The following BPIFA3 variants were observed in gnomAD, a reference collection of about 807,000 sequenced individuals.
BPIFA3 encodes the protein BPI fold containing family A member 3, also known as BPI fold-containing family A member 3.
In BPIFA3, 32 loss-of-function variants were observed where a neutral mutation model predicts 29.7. That is an observed-to-expected ratio of 1.08 (90% confidence interval 0.81 to 1.45). The LOEUF (loss-of-function observed/expected upper bound fraction) is 1.45. Among genes scored for constraint, BPIFA3 ranks in the 40% most tolerant of loss-of-function variants. The pLI is 0.00. For synonymous variants in BPIFA3, 112 were observed against 113.7 expected, an observed-to-expected ratio of 0.98 and a Z score of 0.10; for missense variants, 323 against 311.3, an observed-to-expected ratio of 1.04 and a Z score of -0.28.
Position 33,224,508 on chromosome 20 carries a change from C to T in BPIFA3, c.386+46C>T, listed in dbSNP as rs777522252. 2.1e-6 allele frequency: 3 copies of T among 1,463,366 alleles called. No individual in the cohort carries two copies. The South Asian group carries it at 3.5e-5, about 17-fold the overall frequency. 90.6% of individuals were successfully genotyped at this position (1,463,366 alleles called of 1,614,324 possible). On this transcript the variant is annotated intron_variant, in intron 3 of 6. Transcript: ENST00000375454. ...ATCTGAGAGGTGCTGGCCCTCCTCG[C>T]AGGGAACCTGGGAAATTCAGATCTT...
chr20:33,226,108 C>A, intron 4 of BPIFA3: 1 of 282,258 alleles, frequency 3.5e-6, no homozygotes, highest in South Asian at 5.5e-5. Flanking sequence ...TTCATTTATT[C>A]ATCAGATATT....
intron 1 of BPIFA3, among the ~76,000 whole-genome samples, chr20:33,220,495 G>A (rs1985463288): frequency 6.6e-6 from 1 of 152,068 alleles, no homozygotes; most frequent in East Asian, 1.9e-4. Flanking sequence ...TAAATTTAGT[G>A]TATCTTTCCA....
chr20:33,224,028 T>G, intron 2 of BPIFA3, 67 bp downstream of exon 2: 2 of 1,571,358 alleles, frequency 1.3e-6, no homozygotes, highest in Non-Finnish European at 8.7e-7. Context: ...AGGGTAGAGC[T>G]GATGGGGGGC....
intron 1 of BPIFA3, among the ~76,000 whole-genome samples, chr20:33,220,953 G>A (rs992826183): frequency 6.6e-6 from 1 of 152,114 alleles, no homozygotes; most frequent in African/African-American, 2.4e-5. Flanking sequence ...CATTAAGCCT[G>A]TTCCTTATGC....
intron 4 of BPIFA3, 130 bp from the exon 5 acceptor site, chr20:33,226,276 C>A: frequency 1.4e-6 from 1 of 697,410 alleles, no homozygotes. Flanking sequence ...TGATCACTGA[C>A]AATGATACTT....
chr20:33,218,960 C>T (rs562021394), intron 1 of BPIFA3, among the ~76,000 whole-genome samples: 89 of 152,284 alleles, frequency 5.8e-4, no homozygotes, highest in Admixed American at 1.8e-3. Context: ...GGCTGCAGTG[C>T]AGTGGCATGA....
chr20:33,219,202 G>A lies in BPIFA3; in HGVS notation c.127+1539G>A, dbSNP rs143439807. Among the ~76,000 whole-genome samples the A allele has an allele frequency of 2.6e-3, 394 of 152,214 alleles. 3 individuals are homozygous for A. The Middle Eastern group carries it at 0.034, about 13-fold the overall frequency. ...TTACAAGTGTAAGCCACTGTGCCCAGCCCCATTTTGACTTCTTTGAATTCC... is the reference window on the plus strand; with the variant it reads ...TTACAAGTGTAAGCCACTGTGCCCAACCCCATTTTGACTTCTTTGAATTCC... On this transcript the variant is annotated intron_variant, in intron 1 of 6. Transcript: ENST00000375454.
At position 33,217,431 on chromosome 20, in the gene BPIFA3, C is replaced by T; in HGVS notation, c.-106C>T. 2 of 1,412,386 alleles carry T rather than the reference C, an allele frequency of 1.4e-6. No individual in the cohort carries two copies. Among genetic ancestry groups the T allele is most frequent in the Non-Finnish European group, 1.9e-6 (2 of 1,050,144 alleles). The allele number at this position is 1,412,386 out of a possible 1,614,324, so 87.5% of individuals were successfully genotyped here. On this transcript the variant is annotated 5_prime_UTR_variant, in exon 1 of 7. Transcript: ENST00000375454. ...GCATGCTGGGGGCTAATTCTGATGT[C>T]ATCTTTCTGCAGAAAACCATTAGAC...
At chr20:33,217,814 G>T (rs1434046874) in intron 1 of BPIFA3, 151 bp downstream of exon 1, 8 of 1,035,386 alleles carry the variant, frequency 7.7e-6, no homozygotes, top group Non-Finnish European at 9.4e-6. Flanking sequence ...GAAAATTGAG[G>T]TTGTGTTGAT....
chr20:33,225,592 C>T (rs1600631278), intron 4 of BPIFA3: 1 of 235,066 alleles, frequency 4.3e-6, no homozygotes, highest in African/African-American at 2.2e-5. Flanking sequence ...TCCTACACTC[C>T]ATTCCTCATC....
intron 1 of BPIFA3, among the ~76,000 whole-genome samples, chr20:33,218,152 TG>T (rs1985348785): frequency 6.6e-6 from 1 of 152,266 alleles, no homozygotes; most frequent in African/African-American, 2.4e-5. Context: ...TTTATTTGGC[TG>T]CTCCCCTCTG....
chr20:33,226,138 A>G, intron 4 of BPIFA3: 1 of 375,584 alleles, frequency 2.7e-6, no homozygotes, highest in Non-Finnish European at 4.8e-6. Flanking sequence ...CCTAGATTGT[A>G]CCAGACATTC....
At chr20:33,219,453 T>G (rs1027914680) in intron 1 of BPIFA3, among the ~76,000 whole-genome samples, 2 of 152,262 alleles carry the variant, frequency 1.3e-5, no homozygotes, top group African/African-American at 4.8e-5. Context: ...TTGGAAAGTC[T>G]TAAGACCTTG....
chr20:33,225,077 C>G (rs1219241351), intron 3 of BPIFA3, 21 bp from the exon 4 acceptor site: 1 of 1,611,640 alleles, frequency 6.2e-7, no homozygotes, highest in Non-Finnish European at 8.5e-7. Context: ...GCCCTTCCTC[C>G]TCTTCCTCTC....
chr20:33,223,971 T>C lies in BPIFA3; in HGVS notation c.278+10T>C. 1 of 1,613,316 alleles carries C rather than the reference T, an allele frequency of 6.2e-7. No individual in the cohort carries two copies. Among genetic ancestry groups the C allele is most frequent in the Non-Finnish European group, 8.5e-7 (1 of 1,179,628 alleles). Reference sequence around the variant, plus strand: ...AGCAGCAAGAGAGCAGGTGAGACCCTGAGTTCTATCCGTGGCCCTGGAACT... The same window carrying C: ...AGCAGCAAGAGAGCAGGTGAGACCCCGAGTTCTATCCGTGGCCCTGGAACT... On this transcript the variant is annotated intron_variant, in intron 2 of 6. Transcript: ENST00000375454.
rs866367834 is a variant in BPIFA3, at chr20:33,227,589, C to T, written c.737C>T (p.Ala246Val). 1.2e-6 allele frequency: 2 copies of T among 1,614,110 alleles called. No individual in the cohort carries two copies. Among genetic ancestry groups the T allele is most frequent in the Middle Eastern group, 1.6e-4 (1 of 6,062 alleles). ...PTHHETSQPS[A>V]CQAGESPS ...CACCATGAAACCAGCCAACCCTCTG[C>T]ATGCCAGGCTGGAGAGTCCCCCAGC... is the stretch of plus-strand genomic sequence containing the variant. The change falls in exon 7 of 7, where the codon GCA becomes GTA. Residue 246 changes from alanine (A) to valine (V), a missense_variant. Physicochemically the swap from Ala to Val is moderately conservative, Grantham distance 64. Transcript: ENST00000375454.
At chr20:33,220,157 G>C (rs1031003826) in intron 1 of BPIFA3, among the ~76,000 whole-genome samples, 1 of 150,768 alleles carries the variant, frequency 6.6e-6, no homozygotes, top group Admixed American at 6.6e-5. Context: ...CCAGCACTTT[G>C]AGAGGCTGAG....
chr20:33,225,466 T>G, intron 4 of BPIFA3: 1 of 582,614 alleles, frequency 1.7e-6, no homozygotes, highest in Non-Finnish European at 3.0e-6. Context: ...TCATCACAAG[T>G]TCCCATCAAT....
chr20:33,226,496 T>C lies in BPIFA3; in HGVS notation c.621+6T>C. The C allele has an allele frequency of 6.3e-7, 1 of 1,595,330 alleles. No homozygotes were observed. The highest frequency in any genetic ancestry group is 8.6e-7 in the Non-Finnish European group (1 of 1,166,972). Reference sequence around the variant, plus strand: ...CACACATGGTAGAAAGTCAGGTAAGTTTAGAAAAAACTTTGCATCTTGAGC... The same window carrying C: ...CACACATGGTAGAAAGTCAGGTAAGCTTAGAAAAAACTTTGCATCTTGAGC... On this transcript the variant is annotated splice_donor_region_variant and intron_variant, in intron 5 of 6. Coordinates refer to ENST00000375454, the MANE Select transcript of BPIFA3 (RefSeq NM_178466.5).
Sources: gnomAD v4.1 joint callset for allele counts (sites outside exome capture counted in the v4.1 genomes callset) on GRCh38, gnomAD v4.1.1 for gene constraint, MANE v1.5 for transcripts, NCBI Gene and HGNC (gene_info 2026-07-23, HGNC 2026-07-21) for gene names.